QTMAN: variants seen among roughly 807,000 people sequenced by gnomAD.
QTMAN encodes the protein queuosine-tRNA mannosyltransferase.
the QTMAN span, among the ~76,000 whole-genome samples, chr2:144,074,798 T>C: frequency 1.3e-5 from 2 of 152,198 alleles, no homozygotes; most frequent in Non-Finnish European, 2.9e-5. Flanking sequence ...GTATTAGTAA[T>C]GTTCTCCAAA....
At chr2:144,007,756 C>A in the QTMAN span, among the ~76,000 whole-genome samples, 12 of 152,172 alleles carry the variant, frequency 7.9e-5, no homozygotes, top group African/African-American at 2.6e-4. Flanking sequence ...CAAAGAGTTT[C>A]TATGGCTATA....
the QTMAN span, among the ~76,000 whole-genome samples, chr2:144,303,286 A>T: frequency 6.6e-6 from 1 of 152,194 alleles, no homozygotes; most frequent in South Asian, 2.1e-4. Context: ...AAGTATAAAA[A>T]CGTAGAATAT....
At chr2:143,959,975 A>G in the QTMAN span, among the ~76,000 whole-genome samples, 1 of 152,156 alleles carries the variant, frequency 6.6e-6, no homozygotes, top group Non-Finnish European at 1.5e-5. Flanking sequence ...AAAGAAATTA[A>G]ATCAGAAAAA....
the QTMAN span, among the ~76,000 whole-genome samples, chr2:144,313,179 C>T: frequency 6.6e-6 from 1 of 152,208 alleles, no homozygotes; most frequent in African/African-American, 2.4e-5. Flanking sequence ...TAACTCCCCA[C>T]TAGATTAACA....
At chr2:144,091,917 A>C in the QTMAN span, among the ~76,000 whole-genome samples, 1 of 152,228 alleles carries the variant, frequency 6.6e-6, no homozygotes, top group Admixed American at 6.5e-5. Flanking sequence ...GAGTGAAAGA[A>C]GTCAGATAAA....
chr2:144,210,989 C>T, the QTMAN span: 12 of 152,222 alleles, frequency 7.9e-5, no homozygotes, highest in African/African-American at 2.9e-4. Flanking sequence ...ATAAACCACT[C>T]TAAAGAATAT....
the QTMAN span, among the ~76,000 whole-genome samples, chr2:144,009,942 C>T: frequency 2.0e-5 from 3 of 151,410 alleles, no homozygotes; most frequent in Non-Finnish European, 4.4e-5. Context: ...AACATCTGTA[C>T]ATATCTGGAG....
chr2:144,075,190 C>A, the QTMAN span, among the ~76,000 whole-genome samples: 3 of 152,054 alleles, frequency 2.0e-5, no homozygotes, highest in Non-Finnish European at 4.4e-5. Flanking sequence ...AATGAAGTCA[C>A]CAAAGATGCT....
the QTMAN span, among the ~76,000 whole-genome samples, chr2:144,144,737 T>C: frequency 8.6e-5 from 13 of 152,034 alleles, no homozygotes; most frequent in African/African-American, 3.1e-4. Context: ...TATAGCCATT[T>C]TTCTATGTCA....
the QTMAN span, among the ~76,000 whole-genome samples, chr2:144,166,190 C>T: frequency 1.3e-5 from 2 of 152,154 alleles, no homozygotes; most frequent in Non-Finnish European, 1.5e-5. Context: ...CACCAGGTTG[C>T]CTTTTATCTC....
the QTMAN span, among the ~76,000 whole-genome samples, chr2:144,012,023 A>T: frequency 6.6e-6 from 1 of 152,100 alleles, no homozygotes; most frequent in Non-Finnish European, 1.5e-5. Context: ...TAACTTTAGA[A>T]ATATTCGGAT....
the QTMAN span, among the ~76,000 whole-genome samples, chr2:143,950,005 T>G: frequency 1.3e-5 from 2 of 151,848 alleles, no homozygotes; most frequent in South Asian, 2.1e-4. Context: ...ATTTTTGAAA[T>G]TAATTTTTAG....
At chr2:144,250,881 T>C in the QTMAN span, among the ~76,000 whole-genome samples, 1,332 of 152,186 alleles carry the variant, frequency 8.8e-3, 13 homozygotes, top group African/African-American at 0.03. Flanking sequence ...AAAGTAGTTA[T>C]CTTTTCTTTC....
chr2:144,300,884 C>A, the QTMAN span, among the ~76,000 whole-genome samples: 1 of 152,092 alleles, frequency 6.6e-6, no homozygotes, highest in Non-Finnish European at 1.5e-5. Context: ...ATGAGTAATG[C>A]AAATTTGTGA....
At chr2:144,303,603 T>A in the QTMAN span, among the ~76,000 whole-genome samples, 5 of 152,230 alleles carry the variant, frequency 3.3e-5, no homozygotes, top group African/African-American at 1.2e-4. Context: ...GAGATATGTA[T>A]AAATAAAACA....
At chr2:143,953,550 T>C in the QTMAN span, among the ~76,000 whole-genome samples, 2 of 151,896 alleles carry the variant, frequency 1.3e-5, no homozygotes, top group East Asian at 3.8e-4. Context: ...GATTTCCCCA[T>C]TGACCCACCT....
chr2:144,281,893 GCAGGTTTGTAATTTCTGTT>G, the QTMAN span, among the ~76,000 whole-genome samples: 8 of 152,120 alleles, frequency 5.3e-5, no homozygotes, highest in Admixed American at 2.6e-4. Context: ...GGGTACATGT[GCAGGTTTGTAATTTCTGTT>G]CTTTAAACCA....
chr2:144,185,683 A>C, the QTMAN span, among the ~76,000 whole-genome samples: 1 of 152,198 alleles, frequency 6.6e-6, no homozygotes, highest in African/African-American at 2.4e-5. Flanking sequence ...GAGATGCAAC[A>C]GGACTTTCTG....
At chr2:144,259,532 C>T in the QTMAN span, among the ~76,000 whole-genome samples, 1 of 152,132 alleles carries the variant, frequency 6.6e-6, no homozygotes, top group African/African-American at 2.4e-5. Context: ...TTGCACCAAC[C>T]TAACAGTAAT....
Sources: allele counts gnomAD v4.1 joint callset (sites outside exome capture counted in the v4.1 genomes callset), GRCh38; gene constraint gnomAD v4.1.1; transcripts MANE v1.5; gene names NCBI Gene and HGNC (gene_info 2026-07-23, HGNC 2026-07-21).